FGL1: variants seen among roughly 807,000 people sequenced by gnomAD.
The protein encoded by FGL1 is fibrinogen like 1.
A neutral mutation model predicts 43.7 loss-of-function variants in FGL1; 59 were observed. That is an observed-to-expected ratio of 1.35 (90% CI 1.10 to 1.68). The LOEUF (loss-of-function observed/expected upper bound fraction) is 1.68, where lower values mean the gene tolerates loss of function less well. Among genes scored for constraint, FGL1 ranks in the 40% most tolerant of loss-of-function variants. The pLI is 0.00. For missense variants in FGL1, 596 were observed against 373.0 expected (o/e 1.60, Z -4.92); for synonymous variants, 192 against 126.5 (o/e 1.52, Z -3.48).
At chr8:17,874,189 C>G (rs1436008215) in intron 4 of FGL1, 73 bp from the exon 5 acceptor site, 1 of 1,359,024 alleles carries the variant, frequency 7.4e-7, no homozygotes, top group Non-Finnish European at 1.0e-6. Flanking sequence ...CACCCACCCC[C>G]TGCTACCACC....
chr8:17,865,685 TAA>T (rs1212156612), intron 7 of FGL1, among the ~76,000 whole-genome samples: 1 of 152,250 alleles, frequency 6.6e-6, no homozygotes, highest in Non-Finnish European at 1.5e-5. Flanking sequence ...CAGTATGCAA[TAA>T]GTTTATGTGT....
intron 5 of FGL1, 135 bp from the exon 6 acceptor site, chr8:17,869,139 A>C: frequency 1.8e-6 from 1 of 562,548 alleles, no homozygotes. Flanking sequence ...CAAAGATTAA[A>C]CAGTGACTCC....
At chr8:17,871,118 C>T (rs529593894) in intron 5 of FGL1, among the ~76,000 whole-genome samples, 1 of 152,014 alleles carries the variant, frequency 6.6e-6, no homozygotes, top group Non-Finnish European at 1.5e-5. Context: ...GGAGCTCTCT[C>T]AAGGTAGTAA....
At chr8:17,877,715 C>T (rs2517304) in intron 3 of FGL1, among the ~76,000 whole-genome samples, 110,233 of 152,088 alleles carry the variant, frequency 0.72, 40,492 homozygotes, top group Non-Finnish European at 0.79. Context: ...ATAATAATCA[C>T]ATCATGGAAA....
chr8:17,895,379 T>C, intron 1 of FGL1, 68 bp downstream of exon 1: 1 of 1,275,934 alleles, frequency 7.8e-7, no homozygotes, highest in Non-Finnish European at 1.0e-6. Context: ...TTGGTTACTA[T>C]CATACCTGTG....
chr8:17,871,066 T>A, intron 5 of FGL1, among the ~76,000 whole-genome samples: 1 of 152,074 alleles, frequency 6.6e-6, no homozygotes, highest in Non-Finnish European at 1.5e-5. Context: ...TGCGGGCCTC[T>A]CTTGGGCTTG....
chr8:17,878,166 G>A lies in FGL1; in HGVS notation c.245-3645C>T, dbSNP rs566473668. ...AGAGTCTCACTATGTTGCCCAGGCT[G>A]TTCTTGAAATCCTGGCCTCAAGTGT... On this transcript the variant is annotated intron_variant, in intron 3 of 7. Coordinates refer to ENST00000427924, the MANE Select transcript of FGL1 (RefSeq NM_004467.4). Among the ~76,000 whole-genome samples the A allele has an allele frequency of 7.3e-4, 111 of 152,134 alleles. 1 individual carries two copies. Among genetic ancestry groups the A allele is most frequent in the African/African-American group, 2.7e-3 (110 of 41,506 alleles).
chr8:17,891,094 G>C (rs747630572), intron 1 of FGL1, among the ~76,000 whole-genome samples: 1 of 151,980 alleles, frequency 6.6e-6, no homozygotes, highest in Non-Finnish European at 1.5e-5. Flanking sequence ...TACTCCAACC[G>C]CCCTGTACAA....
chr8:17,870,546 T>C (rs1459855018), intron 5 of FGL1, among the ~76,000 whole-genome samples: 1 of 152,148 alleles, frequency 6.6e-6, no homozygotes, highest in Non-Finnish European at 1.5e-5. Context: ...TGAATAGTCC[T>C]ATCACCTAGG....
intron 7 of FGL1, among the ~76,000 whole-genome samples, chr8:17,866,662 T>C (rs1184097488): frequency 6.6e-6 from 1 of 152,200 alleles, no homozygotes; most frequent in East Asian, 1.9e-4. Flanking sequence ...TTCTTTAAAG[T>C]CAGGTAAATC....
At chr8:17,885,973 C>G (rs1430338958) in intron 1 of FGL1, among the ~76,000 whole-genome samples, 4 of 152,170 alleles carry the variant, frequency 2.6e-5, no homozygotes, top group Admixed American at 2.0e-4. Flanking sequence ...AGGCTGGTCT[C>G]AAACTCCTGG....
At chr8:17,872,808 AC>A (rs1422609325) in intron 5 of FGL1, among the ~76,000 whole-genome samples, 2 of 152,186 alleles carry the variant, frequency 1.3e-5, no homozygotes, top group African/African-American at 4.8e-5. Flanking sequence ...GATATTTTAG[AC>A]AAATATTAAA....
intron 3 of FGL1, among the ~76,000 whole-genome samples, chr8:17,878,045 GC>G (rs1169430105): frequency 6.6e-6 from 1 of 152,074 alleles, no homozygotes; most frequent in Non-Finnish European, 1.5e-5. Context: ...GCTCACTGCA[GC>G]CCCAAACTTC....
Position 17,864,706 on chromosome 8 carries a change from G to A in FGL1, c.825C>T (p.Tyr275=), listed in dbSNP as rs1452084948. ...CAATCCCATTGTCTGTTTTAGCCGT[G>A]TAGGGGCCGCTGTAGTATACACCAT... ...NLNGVYYSGP[Y]TAKTDNGIVW... is the part of the protein sequence containing the mutation. Residue 275 remains tyrosine (Y), a synonymous_variant, in exon 8 of 8, where the codon TAC becomes TAT. Coordinates refer to ENST00000427924, the MANE Select transcript of FGL1 (RefSeq NM_004467.4). 1.2e-6 allele frequency: 2 copies of A among 1,612,738 alleles called. No homozygotes were observed. The highest frequency in any genetic ancestry group is 1.3e-5 in the African/African-American group (1 of 74,946).
intron 2 of FGL1, chr8:17,882,757 T>G (rs1437959046): frequency 8.5e-6 from 1 of 117,626 alleles, no homozygotes; most frequent in Admixed American, 9.1e-5. Context: ...ATATATATAA[T>G]ATATAATATA....
chr8:17,890,954 T>C (rs2053695987), intron 1 of FGL1, among the ~76,000 whole-genome samples: 1 of 152,046 alleles, frequency 6.6e-6, no homozygotes, highest in Non-Finnish European at 1.5e-5. Flanking sequence ...CAAGATGAGA[T>C]TTGGGTGGAG....
intron 1 of FGL1, among the ~76,000 whole-genome samples, chr8:17,886,321 C>G (rs1025842622): frequency 6.6e-6 from 1 of 152,124 alleles, no homozygotes; most frequent in African/African-American, 2.4e-5. Context: ...TTTGATTGAA[C>G]ACATGAATTT....
chr8:17,885,785 C>A, intron 1 of FGL1: 1 of 502,422 alleles, frequency 2.0e-6, no homozygotes, highest in Admixed American at 3.4e-5. Flanking sequence ...ATCACAAAAA[C>A]AGAGGAAGGA....
intron 7 of FGL1, 50 bp downstream of exon 7, chr8:17,868,498 C>T: frequency 1.5e-6 from 2 of 1,374,426 alleles, no homozygotes; most frequent in Non-Finnish European, 2.0e-6. Flanking sequence ...TAATGTCTAT[C>T]AGTGAGATAT....
Sources: allele counts gnomAD v4.1 joint callset (sites outside exome capture counted in the v4.1 genomes callset), GRCh38; gene constraint gnomAD v4.1.1; transcripts MANE v1.5; gene names NCBI Gene and HGNC (gene_info 2026-07-23, HGNC 2026-07-21).